EXOC4: variants seen among roughly 807,000 people sequenced by gnomAD.
EXOC4 encodes exocyst complex component 4.
In EXOC4, 71 loss-of-function variants were observed where a neutral mutation model predicts 107.2. The observed-to-expected ratio is 0.66, with a 90% CI of 0.55 to 0.81. EXOC4 has a LOEUF of 0.81. Ranked by LOEUF, EXOC4 falls within the 30% of genes least tolerant of loss-of-function variation. The pLI, the probability that EXOC4 is intolerant of heterozygous loss-of-function variation, is 0.00. For missense variants in EXOC4, 1,108 were observed against 1,189.6 expected, an observed-to-expected ratio of 0.93 and a Z score of 1.01; for synonymous variants, 456 against 441.2, an observed-to-expected ratio of 1.03 and a Z score of -0.42.
chr7:133,377,459 A>T lies in EXOC4; in HGVS notation c.1182+2457A>T, dbSNP rs373377187. On this transcript the variant is annotated intron_variant, in intron 7 of 17. Transcript: ENST00000253861. ...GATCAGTGAATTTGAGGATAGATCAATGTAAACCATCCAAATCAAAGCACA... is the reference window on the plus strand; with the variant it reads ...GATCAGTGAATTTGAGGATAGATCATTGTAAACCATCCAAATCAAAGCACA... Among the ~76,000 whole-genome samples the T allele has an allele frequency of 3.9e-5, 6 of 152,326 alleles. No individual in the cohort carries two copies. In the East Asian group the frequency reaches 1.2e-3, roughly 29 times the overall value.
intron 14 of EXOC4, among the ~76,000 whole-genome samples, chr7:133,947,711 A>C (rs1800588098): frequency 6.6e-6 from 1 of 152,172 alleles, no homozygotes; most frequent in South Asian, 2.1e-4. Flanking sequence ...TGCTGTGGGC[A>C]TTTCAATGTA....
In EXOC4 at chr7:133,679,022, G is replaced by A. The variant is rs367969803; in HGVS notation, c.1514+48881G>A. 3.2e-4 allele frequency among the ~76,000 whole-genome samples: 48 copies of A among 152,002 alleles called. 1 individual carries two copies. Among genetic ancestry groups the A allele is most frequent in the African/African-American group, 1.0e-3 (42 of 41,438 alleles). On this transcript the variant is annotated intron_variant, in intron 10 of 17. Coordinates refer to ENST00000253861, the MANE Select transcript of EXOC4 (RefSeq NM_021807.4). ...TTTTATTTTTGTGTTTATTCTTTAT[G>A]CATTGAAACCGATGTCATAACTTCT...
intron 7 of EXOC4, among the ~76,000 whole-genome samples, chr7:133,389,429 C>T (rs145579503): frequency 0.014 from 2,115 of 151,696 alleles, 24 homozygotes; most frequent in Non-Finnish European, 0.023. Context: ...AAAAACTAGC[C>T]GGGTGTGGTG....
chr7:133,645,521 T>G (rs1328511906), intron 10 of EXOC4, among the ~76,000 whole-genome samples: 1 of 152,094 alleles, frequency 6.6e-6, no homozygotes, highest in Non-Finnish European at 1.5e-5. Context: ...TAGGGACCAT[T>G]TTTTGATTGG....
At chr7:133,908,722 A>T (rs777555209) in intron 12 of EXOC4, among the ~76,000 whole-genome samples, 1 of 152,362 alleles carries the variant, frequency 6.6e-6, no homozygotes, top group South Asian at 2.1e-4. Context: ...TTAAATTGTC[A>T]GCCAATACAA....
intron 9 of EXOC4, among the ~76,000 whole-genome samples, chr7:133,494,276 G>T (rs1799431491): frequency 6.6e-6 from 1 of 152,110 alleles, no homozygotes; most frequent in African/African-American, 2.4e-5. Context: ...TACTAGCTCT[G>T]TGAGCGTCCC....
At chr7:133,925,242 T>C (rs1409714024) in intron 13 of EXOC4, among the ~76,000 whole-genome samples, 1 of 152,244 alleles carries the variant, frequency 6.6e-6, no homozygotes, top group Non-Finnish European at 1.5e-5. Flanking sequence ...TTTCTATTCT[T>C]GTTTTTTAAC....
chr7:134,029,446 G>A (rs1021220970), intron 17 of EXOC4, among the ~76,000 whole-genome samples: 1 of 152,188 alleles, frequency 6.6e-6, no homozygotes, highest in Admixed American at 6.5e-5. Flanking sequence ...AGCGGGGAAG[G>A]GGATGAGCAC....
intron 10 of EXOC4, among the ~76,000 whole-genome samples, chr7:133,722,275 A>C (rs1370672502): frequency 6.6e-6 from 1 of 152,232 alleles, no homozygotes; most frequent in African/African-American, 2.4e-5. Flanking sequence ...GTGTTAAGAC[A>C]TAAAACCAGA....
At chr7:133,956,319 A>G (rs1292478948) in intron 14 of EXOC4, among the ~76,000 whole-genome samples, 2 of 152,188 alleles carry the variant, frequency 1.3e-5, no homozygotes, top group African/African-American at 4.8e-5. Context: ...GGCGGCTCAA[A>G]TAGGATGGGA....
rs373168640 is a variant in EXOC4 at position 133,989,954 on chromosome 7, C to T, written c.2207-7538C>T. On this transcript the variant is annotated intron_variant, in intron 14 of 17. Coordinates refer to ENST00000253861, the MANE Select transcript of EXOC4 (RefSeq NM_021807.4). ...CGCAAGCTTCTTTTGAAATTAAAATCCAGAACGTTTTAGTGGCAACAATCT... is the reference window on the plus strand; with the variant it reads ...CGCAAGCTTCTTTTGAAATTAAAATTCAGAACGTTTTAGTGGCAACAATCT... 3.9e-5 allele frequency among the ~76,000 whole-genome samples: 6 copies of T among 152,226 alleles called. No individual in the cohort carries two copies. In the East Asian group the frequency reaches 1.2e-3, roughly 29 times the overall value.
At chr7:133,875,745 C>T (rs17167318) in intron 11 of EXOC4, among the ~76,000 whole-genome samples, 21,494 of 152,140 alleles carry the variant, frequency 0.14, 1,738 homozygotes, top group African/African-American at 0.2. Context: ...GTAAACCTAG[C>T]TTTGGCCTCA....
intron 7 of EXOC4, 50 bp from the exon 8 acceptor site, chr7:133,475,278 C>A: frequency 1.4e-6 from 2 of 1,446,548 alleles, no homozygotes; most frequent in Non-Finnish European, 1.9e-6. Flanking sequence ...TTCTTAATTG[C>A]ACATTAAAAA....
intron 7 of EXOC4, among the ~76,000 whole-genome samples, chr7:133,412,524 A>G (rs1452006167): frequency 6.6e-6 from 1 of 152,004 alleles, no homozygotes; most frequent in Non-Finnish European, 1.5e-5. Flanking sequence ...CAACCACACA[A>G]TTAATCCCAA....
At chr7:133,871,393 A>G (rs959904108) in intron 11 of EXOC4, among the ~76,000 whole-genome samples, 4 of 152,098 alleles carry the variant, frequency 2.6e-5, no homozygotes, top group Non-Finnish European at 2.9e-5. Context: ...GCACACCGCT[A>G]GTCATGCTCT....
rs1318222078 is a variant in EXOC4, at chr7:133,889,594, C to A, written c.1735-6005C>A. Among the ~76,000 whole-genome samples the A allele has an allele frequency of 1.9e-4, 22 of 116,784 alleles. No homozygotes were observed. In the East Asian group the frequency reaches 6.2e-3, roughly 33 times the overall value. The allele number at this position is 116,784 out of a possible 152,430, so 76.6% of individuals were successfully genotyped here. A position where few individuals can be genotyped will look rare whatever the true frequency, so the allele number is the denominator to read the frequency against. On this transcript the variant is annotated intron_variant, in intron 11 of 17. Transcript: ENST00000253861. Reference sequence around the variant, plus strand: ...CCCCTCCCCCCTCCCCACCACAGTCCCCAGAGTGTGATATTCCCCTTCCTG... The same window carrying A: ...CCCCTCCCCCCTCCCCACCACAGTCACCAGAGTGTGATATTCCCCTTCCTG...
intron 14 of EXOC4, among the ~76,000 whole-genome samples, chr7:133,963,231 T>C (rs1278527714): frequency 6.6e-6 from 1 of 152,214 alleles, no homozygotes; most frequent in Non-Finnish European, 1.5e-5. Context: ...CATTTTTGTT[T>C]TGGTGGGGCA....
intron 10 of EXOC4, among the ~76,000 whole-genome samples, chr7:133,790,375 A>G (rs1379803605): frequency 6.6e-6 from 1 of 152,206 alleles, no homozygotes; most frequent in African/African-American, 2.4e-5. Flanking sequence ...GGGCACTTAC[A>G]TGTTGCTAAG....
chr7:133,414,599 T>C lies in EXOC4; in HGVS notation c.1182+39597T>C, dbSNP rs148044599. Among the ~76,000 whole-genome samples, 24 of 152,166 alleles carry C rather than the reference T, an allele frequency of 1.6e-4. No homozygotes were observed. In the East Asian group the frequency reaches 4.6e-3, roughly 29 times the overall value. ...GTAGGGTGATGTTTCCTCCATACAG[T>C]AGAGCAGTTAAAATAAACTAGTTGC... On this transcript the variant is annotated intron_variant, in intron 7 of 17. Transcript: ENST00000253861.
Sources: gnomAD v4.1 joint callset for allele counts (sites outside exome capture counted in the v4.1 genomes callset) on GRCh38, gnomAD v4.1.1 for gene constraint, MANE v1.5 for transcripts, NCBI Gene and HGNC (gene_info 2026-07-23, HGNC 2026-07-21) for gene names.